LRP1B: variants seen among roughly 807,000 people sequenced by gnomAD.
LRP1B encodes the protein low-density lipoprotein receptor-related protein 1B.
Under a neutral mutation model 556.6 loss-of-function variants are expected in LRP1B, and 217 were observed. The ratio of observed to expected loss-of-function variants is 0.39; its 90% CI spans 0.35 to 0.44. The LOEUF is 0.44. Ranked by LOEUF, LRP1B falls within the 20% of genes least tolerant of loss-of-function variation. The pLI is 1.00. For synonymous variants in LRP1B, 2,047 were observed against 1,865.8 expected (o/e 1.10, Z -2.50); for missense variants, 5,053 against 5,620.8 (o/e 0.90, Z 3.23).
At chr2:141,785,198 A>T (rs1171025577) in intron 2 of LRP1B, among the ~76,000 whole-genome samples, 1 of 151,942 alleles carries the variant, frequency 6.6e-6, no homozygotes, top group African/African-American at 2.4e-5. Flanking sequence ...TTTCCCCTAC[A>T]GTGATGACCT....
At chr2:140,504,223 G>A (rs1474980724) in intron 53 of LRP1B, among the ~76,000 whole-genome samples, 1 of 152,122 alleles carries the variant, frequency 6.6e-6, no homozygotes, top group Non-Finnish European at 1.5e-5. Flanking sequence ...CAAACACCAA[G>A]TGCTAAGTGT....
At chr2:140,316,558 C>T (rs747234585) in intron 82 of LRP1B, among the ~76,000 whole-genome samples, 9 of 152,168 alleles carry the variant, frequency 5.9e-5, no homozygotes, top group African/African-American at 9.6e-5. Flanking sequence ...TCTCTCATGA[C>T]GTAATAGAAA....
chr2:140,519,561 C>A (rs1284718063), intron 49 of LRP1B, among the ~76,000 whole-genome samples: 1 of 152,122 alleles, frequency 6.6e-6, no homozygotes, highest in Non-Finnish European at 1.5e-5. Flanking sequence ...GCAAGGACTT[C>A]ATGACTAAAA....
intron 2 of LRP1B, among the ~76,000 whole-genome samples, chr2:141,630,873 ATTATGTCT>A (rs1688882753): frequency 6.6e-6 from 1 of 152,036 alleles, no homozygotes; most frequent in Non-Finnish European, 1.5e-5. Context: ...TTTTTTTCTA[ATTATGTCT>A]TACTTTCCTC....
intron 2 of LRP1B, among the ~76,000 whole-genome samples, chr2:141,758,388 A>AT (rs1311344517): frequency 3.3e-5 from 5 of 152,128 alleles, no homozygotes; most frequent in African/African-American, 1.2e-4. Context: ...GTCAAAATGT[A>AT]TTTTTTATTT....
At chr2:140,417,291 C>T (rs531136503) in intron 66 of LRP1B, among the ~76,000 whole-genome samples, 1 of 152,282 alleles carries the variant, frequency 6.6e-6, no homozygotes, top group East Asian at 1.9e-4. Context: ...GTTAATCCTG[C>T]CTGCTACTAT....
At position 140,382,445 on chromosome 2, in the gene LRP1B, G is replaced by A. The variant is rs954977950; in HGVS notation, c.10531+3448C>T. Among the ~76,000 whole-genome samples, 7 of 152,168 alleles carry A rather than the reference G, an allele frequency of 4.6e-5. No homozygotes were observed. In the East Asian group the frequency reaches 1.4e-3, roughly 29 times the overall value. ...GATAAAGATATTATAGATATGTTGA[G>A]ATTTCTCAATTATTTCCAAACCTCT... On this transcript the variant is annotated intron_variant, in intron 67 of 90. Transcript: ENST00000389484.
At chr2:140,700,121 T>C (rs933015247) in intron 41 of LRP1B, 129 bp downstream of exon 41, 11 of 824,002 alleles carry the variant, frequency 1.3e-5, no homozygotes, top group East Asian at 1.3e-4. Context: ...TTAGATGATA[T>C]AGTCACATTC....
At chr2:141,473,231 A>C (rs1682546936) in intron 3 of LRP1B, among the ~76,000 whole-genome samples, 1 of 152,222 alleles carries the variant, frequency 6.6e-6, no homozygotes, top group Admixed American at 6.5e-5. Flanking sequence ...ATGAACATAC[A>C]TACATACATA....
At chr2:141,519,660 T>A (rs1684464356) in intron 2 of LRP1B, among the ~76,000 whole-genome samples, 1 of 151,840 alleles carries the variant, frequency 6.6e-6, no homozygotes. Context: ...TGCTGGAAAA[T>A]CTTGAAAGCC....
intron 3 of LRP1B, among the ~76,000 whole-genome samples, chr2:141,468,226 C>T (rs1464294986): frequency 6.6e-6 from 1 of 152,114 alleles, no homozygotes; most frequent in Non-Finnish European, 1.5e-5. Context: ...GAATACAACC[C>T]TGACTTACTG....
At chr2:140,973,062 AT>A (rs1696483680) in intron 18 of LRP1B, among the ~76,000 whole-genome samples, 1 of 146,074 alleles carries the variant, frequency 6.8e-6, no homozygotes, top group Non-Finnish European at 1.5e-5. Flanking sequence ...TTATATATAT[AT>A]ATATATATAT....
chr2:140,309,120 C>T (rs1020526642), intron 83 of LRP1B, among the ~76,000 whole-genome samples: 1 of 151,732 alleles, frequency 6.6e-6, no homozygotes, highest in Non-Finnish European at 1.5e-5. Flanking sequence ...TAATGTTTTC[C>T]TGGATTTAAA....
chr2:140,741,282 T>C (rs998211968), intron 35 of LRP1B, among the ~76,000 whole-genome samples: 1 of 152,042 alleles, frequency 6.6e-6, no homozygotes, highest in Non-Finnish European at 1.5e-5. Context: ...ACAACACATA[T>C]GACAAAGCGA....
intron 2 of LRP1B, among the ~76,000 whole-genome samples, chr2:141,517,002 C>CT (rs1559116351): frequency 1.9e-4 from 3 of 15,478 alleles, no homozygotes; most frequent in African/African-American, 2.3e-4. Flanking sequence ...TGGCCCGTCT[C>CT]TTAAAAAAAA....
chr2:141,818,748 G>A (rs372690772), intron 1 of LRP1B, among the ~76,000 whole-genome samples: 78 of 150,970 alleles, frequency 5.2e-4, no homozygotes, highest in Admixed American at 2.2e-3. Flanking sequence ...GTGTTAGCCA[G>A]GATGGTCTCG....
At chr2:141,583,072 G>C (rs528923366) in intron 2 of LRP1B, among the ~76,000 whole-genome samples, 2 of 151,964 alleles carry the variant, frequency 1.3e-5, no homozygotes, top group South Asian at 4.1e-4. Flanking sequence ...GCCTGACCTC[G>C]TGATCCGCCC....
intron 1 of LRP1B, among the ~76,000 whole-genome samples, chr2:142,115,791 A>T (rs796640351): frequency 0.054 from 1,107 of 20,666 alleles, 412 homozygotes; most frequent in Non-Finnish European, 0.072. Context: ...AATATATATC[A>T]TATATATGTA....
At position 140,356,227 on chromosome 2, in the gene LRP1B, T is replaced by A. The variant is rs1573837778; in HGVS notation, c.11530+115A>T. The A allele has an allele frequency of 7.4e-6, 8 of 1,084,184 alleles. No homozygotes were observed. In the East Asian group the frequency reaches 1.9e-4, roughly 26 times the overall value. The allele number at this position is 1,084,184 out of a possible 1,614,324, so 67.2% of individuals were successfully genotyped here. ...TTCTCATAAGTGAAATGGTATCCCG[T>A]AGATACACACCATTTTGATGAAAGT... is the stretch of plus-strand genomic sequence containing the variant. On this transcript the variant is annotated intron_variant, in intron 75 of 90. Transcript: ENST00000389484.
Sources: allele counts gnomAD v4.1 joint callset (sites outside exome capture counted in the v4.1 genomes callset), GRCh38; gene constraint gnomAD v4.1.1; transcripts MANE v1.5; gene names NCBI Gene and HGNC (gene_info 2026-07-23, HGNC 2026-07-21).